The following SLC8A1 variants were observed in gnomAD, a reference collection of about 807,000 sequenced individuals.
SLC8A1 encodes sodium/calcium exchanger 1.
A neutral mutation model predicts 68.3 loss-of-function variants in SLC8A1; 18 were observed. The ratio of observed to expected loss-of-function variants is 0.26; its 90% CI spans 0.18 to 0.39. The LOEUF (loss-of-function observed/expected upper bound fraction) is 0.39. Ranked by LOEUF, SLC8A1 falls within the 10% of genes least tolerant of loss-of-function variation. The pLI is 1.00. For missense variants in SLC8A1, 985 were observed against 1,156.7 expected (o/e 0.85, Z 2.15); for synonymous variants, 475 against 415.5 (o/e 1.14, Z -1.74).
intron 2 of SLC8A1, among the ~76,000 whole-genome samples, chr2:40,395,510 T>C (rs954381357): frequency 5.3e-5 from 8 of 152,074 alleles, no homozygotes; most frequent in African/African-American, 1.9e-4. Flanking sequence ...CTTGTGGTGT[T>C]CCATAACTCT....
chr2:40,272,055 G>C (rs950810462), intron 2 of SLC8A1, among the ~76,000 whole-genome samples: 4 of 151,952 alleles, frequency 2.6e-5, no homozygotes, highest in African/African-American at 9.7e-5. Flanking sequence ...TATTTATAGA[G>C]ATGGGGTCTC....
chr2:40,303,336 GC>G (rs1209663158), intron 2 of SLC8A1, among the ~76,000 whole-genome samples: 1 of 152,184 alleles, frequency 6.6e-6, no homozygotes, highest in Non-Finnish European at 1.5e-5. Flanking sequence ...CACATTCTGA[GC>G]CTGATTGGTG....
intron 1 of SLC8A1, among the ~76,000 whole-genome samples, chr2:40,501,201 C>T (rs1218166847): frequency 6.6e-6 from 1 of 152,000 alleles, no homozygotes; most frequent in Non-Finnish European, 1.5e-5. Context: ...TCTAAAACTG[C>T]TTTCTTTTCT....
intron 2 of SLC8A1, among the ~76,000 whole-genome samples, chr2:40,400,625 G>A (rs1459383380): frequency 6.6e-6 from 1 of 152,174 alleles, no homozygotes; most frequent in African/African-American, 2.4e-5. Context: ...AAATGAGAGG[G>A]TGTTCCTGCT....
At chr2:40,216,845 G>A (rs2057568708) in intron 2 of SLC8A1, among the ~76,000 whole-genome samples, 2 of 151,950 alleles carry the variant, frequency 1.3e-5, no homozygotes, top group African/African-American at 2.4e-5. Flanking sequence ...TTTTTGATGG[G>A]GTTATTTTTT....
intron 6 of SLC8A1, among the ~76,000 whole-genome samples, chr2:40,154,470 A>G (rs1383216330): frequency 1.3e-5 from 1 of 76,930 alleles, no homozygotes; most frequent in African/African-American, 4.1e-5. Context: ...TGCCCGGCTA[A>G]TTTTTTTTCT....
At chr2:40,332,996 T>G (rs1435940334) in intron 2 of SLC8A1, among the ~76,000 whole-genome samples, 1 of 152,214 alleles carries the variant, frequency 6.6e-6, no homozygotes, top group East Asian at 1.9e-4. Flanking sequence ...GAAATAAAAA[T>G]GTAGCTTTCT....
chr2:40,317,340 G>C (rs1435919599), intron 2 of SLC8A1, among the ~76,000 whole-genome samples: 1 of 152,092 alleles, frequency 6.6e-6, no homozygotes, highest in East Asian at 1.9e-4. Flanking sequence ...TTGGTTTTAT[G>C]AATCATATTT....
intron 2 of SLC8A1, among the ~76,000 whole-genome samples, chr2:40,382,390 G>C (rs1682129042): frequency 6.6e-6 from 1 of 151,544 alleles, no homozygotes; most frequent in Admixed American, 6.6e-5. Flanking sequence ...ATTTGCCAAG[G>C]GTTAGTATTT....
intron 2 of SLC8A1, among the ~76,000 whole-genome samples, chr2:40,382,691 G>T (rs1682259472): frequency 6.6e-6 from 1 of 151,878 alleles, no homozygotes; most frequent in East Asian, 1.9e-4. Flanking sequence ...TTATAGGTAT[G>T]GTTTGAGCAA....
At chr2:40,217,906 G>A (rs1298460034) in intron 2 of SLC8A1, among the ~76,000 whole-genome samples, 1 of 149,954 alleles carries the variant, frequency 6.7e-6, no homozygotes, top group Non-Finnish European at 1.5e-5. Flanking sequence ...TCTTAGATTT[G>A]ATCTGGCAGC....
rs571075704 is a variant in SLC8A1 at position 40,244,330 on chromosome 2, G to A, written c.1809-66475C>T. Among the ~76,000 whole-genome samples the A allele has an allele frequency of 9.9e-5, 15 of 152,178 alleles. No homozygotes were observed. The East Asian group carries it at 1.7e-3, about 18-fold the overall frequency. ...CTACTACGTGAGTCTCCTTCTGAGC[G>A]TTTCCACATCTATTATCTCTTTAAA... On this transcript the variant is annotated intron_variant, in intron 2 of 7. Coordinates refer to ENST00000406785, the Ensembl canonical transcript of SLC8A1.
At chr2:40,280,772 G>A (rs529285508) in intron 2 of SLC8A1, among the ~76,000 whole-genome samples, 1 of 152,264 alleles carries the variant, frequency 6.6e-6, no homozygotes, top group Non-Finnish European at 1.5e-5. Context: ...CCTAAGAAGA[G>A]GTGACATCTG....
intron 2 of SLC8A1, among the ~76,000 whole-genome samples, chr2:40,273,232 T>A (rs1392302974): frequency 2.0e-5 from 3 of 151,536 alleles, no homozygotes; most frequent in Non-Finnish European, 4.4e-5. Context: ...TGAACCACCA[T>A]GCCTGGCCCT....
chr2:40,189,613 C>T (rs2051368775), intron 2 of SLC8A1, among the ~76,000 whole-genome samples: 1 of 152,200 alleles, frequency 6.6e-6, no homozygotes, highest in African/African-American at 2.4e-5. Flanking sequence ...TGTGCCTGGC[C>T]CATTTTCCTG....
chr2:40,406,879 A>G (rs542835229), intron 2 of SLC8A1, among the ~76,000 whole-genome samples: 4 of 152,310 alleles, frequency 2.6e-5, no homozygotes, highest in Non-Finnish European at 5.9e-5. Flanking sequence ...CCCCCTATCT[A>G]CGTCACATGC....
chr2:40,375,347 C>T (rs1192101842), intron 2 of SLC8A1, among the ~76,000 whole-genome samples: 3 of 152,060 alleles, frequency 2.0e-5, no homozygotes, highest in Admixed American at 1.3e-4. Flanking sequence ...GGTTTATTTT[C>T]CAATCCAATT....
At chr2:40,240,755 G>A (rs970514130) in intron 2 of SLC8A1, among the ~76,000 whole-genome samples, 1 of 152,194 alleles carries the variant, frequency 6.6e-6, no homozygotes, top group African/African-American at 2.4e-5. Context: ...GCTCCTGCCT[G>A]TACTCCCAGC....
At position 40,429,525 on chromosome 2, in the gene SLC8A1, C is replaced by T. The variant is rs374251379; in HGVS notation, c.756G>A (p.Ala252=). The change falls in exon 2 of 8, where the codon GCG becomes GCA. Residue 252 remains alanine, a synonymous_variant. Transcript: ENST00000406785. ...ACTTGTAAAACAGAAGTCTCCTATC[C>T]GCTACCCAAGCGAACACAACACAGA... 4.1e-4 allele frequency: 656 copies of T among 1,613,792 alleles called. 2 individuals are homozygous for T. The highest frequency in any genetic ancestry group is 5.0e-4 in the Non-Finnish European group (585 of 1,179,916).
Sources: allele counts gnomAD v4.1 joint callset (sites outside exome capture counted in the v4.1 genomes callset), GRCh38; gene constraint gnomAD v4.1.1; transcripts MANE v1.5; gene names NCBI Gene and HGNC (gene_info 2026-07-23, HGNC 2026-07-21).